Variants in ARHGAP20 observed in about 807,000 individuals in gnomAD.
ARHGAP20 encodes rho GTPase-activating protein 20.
ARHGAP20 carries 34 observed loss-of-function variants against 73.7 expected under a neutral mutation model. That is an observed-to-expected ratio of 0.46 (90% CI 0.35 to 0.61). The LOEUF (loss-of-function observed/expected upper bound fraction) is 0.61, where lower values mean the gene tolerates loss of function less well. Ranked by LOEUF, ARHGAP20 falls within the 20% of genes least tolerant of loss-of-function variation. The pLI is 0.00. For missense variants in ARHGAP20, 1,314 were observed against 1,420.9 expected, an observed-to-expected ratio of 0.92 and a Z score of 1.21; for synonymous variants, 523 against 518.2, an observed-to-expected ratio of 1.01 and a Z score of -0.13.
chr11:110,696,423 T>G lies in ARHGAP20; in HGVS notation c.106-5794A>C, dbSNP rs143988839. Among the ~76,000 whole-genome samples, 12 of 151,782 alleles carry G rather than the reference T, an allele frequency of 7.9e-5. No homozygotes were observed. The East Asian group carries it at 2.3e-3, about 29-fold the overall frequency. Reference sequence around the variant, plus strand: ...TTAGCCATAAGTTATAATTTTCTTCTTATCACAATCATCTGAAATATGTGA... The same window carrying G: ...TTAGCCATAAGTTATAATTTTCTTCGTATCACAATCATCTGAAATATGTGA... On this transcript the variant is annotated intron_variant, in intron 1 of 14. Transcript: ENST00000683387.
chr11:110,692,075 T>C (rs1259742829), intron 1 of ARHGAP20, among the ~76,000 whole-genome samples: 4 of 152,152 alleles, frequency 2.6e-5, no homozygotes, highest in African/African-American at 9.7e-5. Flanking sequence ...ACACTGGTGA[T>C]TTCAATAACC....
At position 110,680,490 on chromosome 11, in the gene ARHGAP20, G is replaced by A. The variant is rs1410331757; in HGVS notation, c.188+10057C>T. ...TCTAGTTCAATATAGTAAGGATGTC[G>A]TAGGACAGACTGCTATCCCTATGAA... On this transcript the variant is annotated intron_variant, in intron 2 of 14. Coordinates refer to ENST00000683387, the MANE Select transcript of ARHGAP20 (RefSeq NM_001384657.1). Among the ~76,000 whole-genome samples the A allele has an allele frequency of 4.6e-5, 7 of 152,110 alleles. No homozygotes were observed. The South Asian group carries it at 6.2e-4, about 14-fold the overall frequency.
At chr11:110,652,254 T>C (rs941500108) in intron 2 of ARHGAP20, among the ~76,000 whole-genome samples, 2 of 152,134 alleles carry the variant, frequency 1.3e-5, no homozygotes, top group African/African-American at 4.8e-5. Context: ...GTAAGAGCCA[T>C]TCATGACAAA....
chr11:110,700,290 T>C (rs1950418437), intron 1 of ARHGAP20, among the ~76,000 whole-genome samples: 2 of 152,080 alleles, frequency 1.3e-5, no homozygotes, highest in African/African-American at 4.8e-5. Context: ...CTTTCAAGCA[T>C]TTAAAATAAG....
intron 14 of ARHGAP20, among the ~76,000 whole-genome samples, chr11:110,582,044 C>A (rs911693375): frequency 6.6e-5 from 10 of 151,908 alleles, no homozygotes; most frequent in Admixed American, 2.6e-4. Context: ...TTAAAAAGCC[C>A]ATCAAAAAAC....
intron 10 of ARHGAP20, among the ~76,000 whole-genome samples, chr11:110,591,509 A>G (rs551694748): frequency 1.3e-5 from 2 of 152,352 alleles, no homozygotes; most frequent in Non-Finnish European, 2.9e-5. Context: ...GAGATAATAT[A>G]AACCCAGTGG....
At chr11:110,711,580 A>C (rs1760153269) in intron 1 of ARHGAP20, 1 of 1,467,924 alleles carries the variant, frequency 6.8e-7, no homozygotes, top group East Asian at 2.9e-5. Flanking sequence ...TGCCCCCCGA[A>C]AACTGCTATG....
At chr11:110,703,967 G>A (rs1449701) in intron 1 of ARHGAP20, among the ~76,000 whole-genome samples, 22,769 of 152,114 alleles carry the variant, frequency 0.15, 1,803 homozygotes, top group South Asian at 0.29. Context: ...CCATCCACTC[G>A]CCTGAAGGCC....
chr11:110,590,625 G>A, intron 11 of ARHGAP20, 23 bp downstream of exon 11: 2 of 1,604,152 alleles, frequency 1.2e-6, no homozygotes, highest in East Asian at 4.5e-5. Context: ...CCATGGGGTG[G>A]ATAAAGGGAT....
At chr11:110,601,784 G>A (rs949205781) in intron 9 of ARHGAP20, among the ~76,000 whole-genome samples, 1 of 152,092 alleles carries the variant, frequency 6.6e-6, no homozygotes, top group Non-Finnish European at 1.5e-5. Flanking sequence ...AGGAGTTCAA[G>A]ACCAGTCTGG....
At position 110,710,453 on chromosome 11, in the gene ARHGAP20, A is replaced by T. The variant is rs574276660; in HGVS notation, c.105+1674T>A. On this transcript the variant is annotated intron_variant, in intron 1 of 14. Coordinates refer to ENST00000683387, the MANE Select transcript of ARHGAP20 (RefSeq NM_001384657.1). ...CCCTTAGTAAAAAAAAAAGAAAAAAAGAAAAAACTGTTCAGAAAAATAAAT... is the reference window on the plus strand; with the variant it reads ...CCCTTAGTAAAAAAAAAAGAAAAAATGAAAAAACTGTTCAGAAAAATAAAT... Among the ~76,000 whole-genome samples, 6 of 152,292 alleles carry T rather than the reference A, an allele frequency of 3.9e-5. No individual in the cohort carries two copies. In the East Asian group the frequency reaches 1.2e-3, roughly 29 times the overall value.
intron 11 of ARHGAP20, among the ~76,000 whole-genome samples, chr11:110,586,557 A>G (rs1947672168): frequency 6.6e-6 from 1 of 152,198 alleles, no homozygotes; most frequent in Non-Finnish European, 1.5e-5. Context: ...TGGGAAAATA[A>G]AGGACAACTC....
In ARHGAP20 at chr11:110,705,061, C is replaced by G. The variant is rs115105773; in HGVS notation, c.105+7066G>C. 3.4e-3 allele frequency among the ~76,000 whole-genome samples: 510 copies of G among 152,060 alleles called. 5 individuals are homozygous for G. The highest frequency in any genetic ancestry group is 0.012 in the African/African-American group (491 of 41,464). On this transcript the variant is annotated intron_variant, in intron 1 of 14. Coordinates refer to ENST00000683387, the MANE Select transcript of ARHGAP20 (RefSeq NM_001384657.1). ...TTTTAGTGGCAATTTAAGTTGAAAT[C>G]TAGTATATTTTCAGCTACAGACACC...
intron 2 of ARHGAP20, among the ~76,000 whole-genome samples, chr11:110,636,814 C>T (rs890168635): frequency 6.6e-6 from 1 of 151,884 alleles, no homozygotes; most frequent in Non-Finnish European, 1.5e-5. Flanking sequence ...AATTTTATGA[C>T]TCTGAAGTGT....
chr11:110,606,198 C>A (rs1448675446), intron 9 of ARHGAP20, among the ~76,000 whole-genome samples: 2 of 152,154 alleles, frequency 1.3e-5, no homozygotes, highest in African/African-American at 2.4e-5. Flanking sequence ...TCATTGACAG[C>A]CTCCTTTTTA....
At chr11:110,589,805 C>G in intron 11 of ARHGAP20, 1 of 733,930 alleles carries the variant, frequency 1.4e-6, no homozygotes. Context: ...ATGCTGAAGT[C>G]ATTCTTACTC....
chr11:110,654,824 T>G (rs1949430125), intron 2 of ARHGAP20, among the ~76,000 whole-genome samples: 1 of 152,220 alleles, frequency 6.6e-6, no homozygotes, highest in African/African-American at 2.4e-5. Flanking sequence ...GGGAAAGTGC[T>G]CAACCAATTC....
Position 110,612,654 on chromosome 11 carries a change from C to T in ARHGAP20, c.631-1268G>A, listed in dbSNP as rs1247137327. Among the ~76,000 whole-genome samples the T allele has an allele frequency of 1.3e-5, 2 of 152,086 alleles. 1 individual carries two copies. The highest frequency in any genetic ancestry group is 4.2e-4 in the South Asian group (2 of 4,816). ...AGGATTAAATAGCACAAAAAAGTAGCATAAATACAAAAATGATATAAAAAT... is the reference window on the plus strand; with the variant it reads ...AGGATTAAATAGCACAAAAAAGTAGTATAAATACAAAAATGATATAAAAAT... On this transcript the variant is annotated intron_variant, in intron 6 of 14. Coordinates refer to ENST00000683387, the MANE Select transcript of ARHGAP20 (RefSeq NM_001384657.1).
chr11:110,621,727 T>A (rs1266546971), intron 4 of ARHGAP20, among the ~76,000 whole-genome samples: 1 of 152,246 alleles, frequency 6.6e-6, no homozygotes, highest in African/African-American at 2.4e-5. Context: ...TTCTGGTAAT[T>A]CAACATATGA....
Sources: gnomAD v4.1 joint callset for allele counts (sites outside exome capture counted in the v4.1 genomes callset) on GRCh38, gnomAD v4.1.1 for gene constraint, MANE v1.5 for transcripts, NCBI Gene and HGNC (gene_info 2026-07-23, HGNC 2026-07-21) for gene names.